FSIP1: variants seen among roughly 807,000 people sequenced by gnomAD.
The protein encoded by FSIP1 is fibrous sheath interacting protein 1.
Under a neutral mutation model 60.9 loss-of-function variants are expected in FSIP1, and 65 were observed. The ratio of observed to expected loss-of-function variants is 1.07; its 90% CI spans 0.87 to 1.31. The LOEUF (loss-of-function observed/expected upper bound fraction) is 1.31. FSIP1 is among the 40% of genes most tolerant of loss of function. FSIP1 has a pLI of 0.00. For missense variants in FSIP1, 675 were observed against 665.5 expected, an observed-to-expected ratio of 1.01 and a Z score of -0.16; for synonymous variants, 209 against 221.2, an observed-to-expected ratio of 0.94 and a Z score of 0.49.
intron 10 of FSIP1, among the ~76,000 whole-genome samples, chr15:39,676,025 T>C (rs957453168): frequency 3.8e-5 from 5 of 130,754 alleles, no homozygotes; most frequent in Admixed American, 3.8e-4. Context: ...AAAAAAAAAA[T>C]AGCCGTGCGT....
intron 5 of FSIP1, among the ~76,000 whole-genome samples, chr15:39,742,632 A>T (rs1896844136): frequency 6.6e-6 from 1 of 152,176 alleles, no homozygotes; most frequent in South Asian, 2.1e-4. Context: ...AGTCTTGAGG[A>T]TATTACAGGA....
chr15:39,733,942 C>T (rs1443474229), intron 8 of FSIP1, among the ~76,000 whole-genome samples: 3 of 152,216 alleles, frequency 2.0e-5, no homozygotes, highest in Middle Eastern at 3.4e-3. Context: ...CAGCCAATCA[C>T]ATTCTCAACT....
chr15:39,772,141 C>T (rs944473645), intron 2 of FSIP1, among the ~76,000 whole-genome samples: 1 of 152,070 alleles, frequency 6.6e-6, no homozygotes, highest in Non-Finnish European at 1.5e-5. Flanking sequence ...ACAAATTTTC[C>T]CATAGTTTCC....
intron 10 of FSIP1, among the ~76,000 whole-genome samples, chr15:39,688,517 C>T (rs1894471985): frequency 6.6e-6 from 1 of 152,180 alleles, no homozygotes; most frequent in Admixed American, 6.5e-5. Flanking sequence ...CTGCTGAATG[C>T]ATATGGCTTT....
chr15:39,734,428 C>T (rs1171707408), intron 8 of FSIP1, among the ~76,000 whole-genome samples: 2 of 152,046 alleles, frequency 1.3e-5, no homozygotes, highest in East Asian at 1.9e-4. Context: ...ATACAAGAAG[C>T]ATACTGTTTT....
At position 39,760,474 on chromosome 15, in the gene FSIP1, A is replaced by G. The variant is rs902881806; in HGVS notation, c.559+3347T>C. The stretch of plus-strand genomic sequence containing the variant: ...ATAATAATATATAACAGCATTAGGT[A>G]TACCAAGTGTGATTGACTGAGAAGG... On this transcript the variant is annotated intron_variant, in intron 5 of 11. Transcript: ENST00000350221. 2.6e-5 allele frequency among the ~76,000 whole-genome samples: 4 copies of G among 152,366 alleles called. No homozygotes were observed. The East Asian group carries it at 7.7e-4, about 29-fold the overall frequency.
intron 10 of FSIP1, among the ~76,000 whole-genome samples, chr15:39,706,486 C>T (rs1190842867): frequency 6.6e-6 from 1 of 152,124 alleles, no homozygotes; most frequent in East Asian, 1.9e-4. Context: ...TGATGACTCA[C>T]TCTATTTTTC....
chr15:39,771,177 C>A lies in FSIP1; in HGVS notation c.127-567G>T, dbSNP rs1190866140. Among the ~76,000 whole-genome samples, 3 of 152,254 alleles carry A rather than the reference C, an allele frequency of 2.0e-5. No individual in the cohort carries two copies. The East Asian group carries it at 5.8e-4, about 29-fold the overall frequency. ...ACAGCTGTGTTTTCCTAAGAGAGAA[C>A]AGAAAAGGACCTCCATGGCCGGGTG... is the stretch of plus-strand genomic sequence containing the variant. On this transcript the variant is annotated intron_variant, in intron 2 of 11. Coordinates refer to ENST00000350221, the MANE Select transcript of FSIP1 (RefSeq NM_152597.5).
intron 10 of FSIP1, among the ~76,000 whole-genome samples, chr15:39,672,346 G>A (rs1333213665): frequency 6.6e-6 from 1 of 152,184 alleles, no homozygotes; most frequent in East Asian, 1.9e-4. Context: ...ATTGTGATCA[G>A]CCCAAACACC....
chr15:39,670,463 AT>A (rs575067914), intron 10 of FSIP1, among the ~76,000 whole-genome samples: 10 of 149,028 alleles, frequency 6.7e-5, no homozygotes, highest in Non-Finnish European at 1.0e-4. Context: ...ATTCATGATT[AT>A]TTTCTCTCTT....
In FSIP1 at chr15:39,739,308, T is replaced by TA. The variant is rs906006748; in HGVS notation, c.780+356dup. ...TGGCTACAAAATCAGTCTCATTACTTAAAAAAAAACAATTTTACTAATATG... is the reference window on the plus strand; with the variant it reads ...TGGCTACAAAATCAGTCTCATTACTTAAAAAAAAAACAATTTTACTAATATG... On this transcript the variant is annotated intron_variant, in intron 7 of 11. Coordinates refer to ENST00000350221, the MANE Select transcript of FSIP1 (RefSeq NM_152597.5). Among the ~76,000 whole-genome samples, 23 of 151,080 alleles carry TA rather than the reference T, an allele frequency of 1.5e-4. 1 individual carries two copies. Among genetic ancestry groups the TA allele is most frequent in the South Asian group, 1.3e-3 (6 of 4,754 alleles).
intron 10 of FSIP1, among the ~76,000 whole-genome samples, chr15:39,667,486 C>T (rs945653053): frequency 6.6e-6 from 1 of 152,208 alleles, no homozygotes; most frequent in African/African-American, 2.4e-5. Context: ...CCCTTTTAAG[C>T]CCTTTATTCA....
At chr15:39,756,255 G>T (rs1465195769) in intron 5 of FSIP1, among the ~76,000 whole-genome samples, 2 of 152,082 alleles carry the variant, frequency 1.3e-5, no homozygotes, top group East Asian at 3.9e-4. Context: ...TCATTTATTT[G>T]CTGTTGCTTA....
In FSIP1 at chr15:39,663,540, T is replaced by C. The variant is rs149842527; in HGVS notation, c.1189-45295A>G. On this transcript the variant is annotated intron_variant, in intron 10 of 11. Coordinates refer to ENST00000350221, the MANE Select transcript of FSIP1 (RefSeq NM_152597.5). ...AATTCCCTTAGACCTCTATGGTAGC[T>C]GCAGTTATATTCAAATCAAAACAAT... Among the ~76,000 whole-genome samples, 1,464 of 152,248 alleles carry C rather than the reference T, an allele frequency of 9.6e-3. 12 individuals are homozygous for C. Among genetic ancestry groups the C allele is most frequent in the Middle Eastern group, 0.02 (6 of 294 alleles).
chr15:39,601,510 T>G (rs185994988), intron 11 of FSIP1, among the ~76,000 whole-genome samples: 1 of 152,306 alleles, frequency 6.6e-6, no homozygotes. Flanking sequence ...TGGCAGTTCC[T>G]GAGAAGGTTA....
chr15:39,705,806 T>C (rs1415058985), intron 10 of FSIP1, among the ~76,000 whole-genome samples: 1 of 152,128 alleles, frequency 6.6e-6, no homozygotes, highest in Non-Finnish European at 1.5e-5. Flanking sequence ...GAGACCAGCC[T>C]GGCCAACATG....
chr15:39,685,435 C>T lies in FSIP1; in HGVS notation c.1188+28009G>A, dbSNP rs545009301. 5.4e-4 allele frequency among the ~76,000 whole-genome samples: 82 copies of T among 152,260 alleles called. 1 individual carries two copies. Among genetic ancestry groups the T allele is most frequent in the Non-Finnish European group, 1.1e-3 (72 of 68,014 alleles). On this transcript the variant is annotated intron_variant, in intron 10 of 11. Coordinates refer to ENST00000350221, the MANE Select transcript of FSIP1 (RefSeq NM_152597.5). ...CCTTTCCTATAAATCCCCCCGCCATCCCCAACAAACACACATAGAAAGCCT... is the reference window on the plus strand; with the variant it reads ...CCTTTCCTATAAATCCCCCCGCCATTCCCAACAAACACACATAGAAAGCCT...
chr15:39,735,426 A>G (rs1367039814), intron 8 of FSIP1, among the ~76,000 whole-genome samples: 2 of 152,222 alleles, frequency 1.3e-5, no homozygotes, highest in Non-Finnish European at 2.9e-5. Context: ...TACAACATAG[A>G]AAAGGTACAA....
At chr15:39,675,672 C>T (rs915639854) in intron 10 of FSIP1, among the ~76,000 whole-genome samples, 5 of 152,106 alleles carry the variant, frequency 3.3e-5, no homozygotes, top group South Asian at 2.1e-4. Flanking sequence ...CAGGGATCAA[C>T]GTAACAATCA....
Sources: allele counts gnomAD v4.1 joint callset (sites outside exome capture counted in the v4.1 genomes callset), GRCh38; gene constraint gnomAD v4.1.1; transcripts MANE v1.5; gene names NCBI Gene and HGNC (gene_info 2026-07-23, HGNC 2026-07-21).